COBLL1: variants seen among roughly 807,000 people sequenced by gnomAD.
COBLL1 encodes the protein cordon-bleu WH2 repeat protein like 1.
A neutral mutation model predicts 94.8 loss-of-function variants in COBLL1; 50 were observed. The observed-to-expected ratio is 0.53, with a 90% confidence interval of 0.42 to 0.67. The LOEUF is 0.67. Among genes scored for constraint, COBLL1 ranks in the 30% least tolerant of loss-of-function variants. COBLL1 has a pLI of 0.00. For synonymous variants in COBLL1, 448 were observed against 473.8 expected (o/e 0.95, Z 0.71); for missense variants, 1,362 against 1,348.7 (o/e 1.01, Z -0.15).
At chr2:164,736,450 T>C (rs887277427) in intron 3 of COBLL1, among the ~76,000 whole-genome samples, 56 of 152,292 alleles carry the variant, frequency 3.7e-4, no homozygotes, top group African/African-American at 1.3e-3. Flanking sequence ...TAAATAGTAA[T>C]AGGTCAGATT....
chr2:164,741,766 T>TA (rs1203752095), intron 3 of COBLL1, among the ~76,000 whole-genome samples: 7 of 152,154 alleles, frequency 4.6e-5, no homozygotes, highest in African/African-American at 1.7e-4. Flanking sequence ...AGGGTGCTTG[T>TA]AAGTACAAAT....
chr2:164,708,106 A>T (rs549529592), intron 7 of COBLL1, among the ~76,000 whole-genome samples: 1 of 152,220 alleles, frequency 6.6e-6, no homozygotes, highest in South Asian at 2.1e-4. Context: ...TGTGCCTCAT[A>T]ACAGGGGGGT....
At chr2:164,806,040 C>T (rs974745) in intron 2 of COBLL1, among the ~76,000 whole-genome samples, 53,727 of 151,856 alleles carry the variant, frequency 0.35, 9,703 homozygotes, top group Admixed American at 0.41. Context: ...TACATATTTT[C>T]TATATCCAGA....
At position 164,778,912 on chromosome 2, in the gene COBLL1, AC is replaced by A. The variant is rs538395363; in HGVS notation, c.42-35038del. On this transcript the variant is annotated intron_variant, in intron 2 of 13. Coordinates refer to ENST00000652658, the MANE Select transcript of COBLL1 (RefSeq NM_001365672.2). Reference sequence around the variant, plus strand: ...AGGTTAACAAAAGGGGAGGGGGAAGACCAGGAGAAATCCCAGTGTATGACTA... The same window carrying A: ...AGGTTAACAAAAGGGGAGGGGGAAGACAGGAGAAATCCCAGTGTATGACTA... Among the ~76,000 whole-genome samples, 21 of 152,264 alleles carry A rather than the reference AC, an allele frequency of 1.4e-4. No homozygotes were observed. In the East Asian group the frequency reaches 3.5e-3, roughly 25 times the overall value.
intron 2 of COBLL1, among the ~76,000 whole-genome samples, chr2:164,798,174 T>A (rs1388480181): frequency 2.0e-5 from 3 of 152,216 alleles, no homozygotes; most frequent in African/African-American, 7.2e-5. Flanking sequence ...CAGTGAATTT[T>A]AAAAAAATCT....
At chr2:164,788,891 G>C (rs929256805) in intron 2 of COBLL1, among the ~76,000 whole-genome samples, 1 of 151,254 alleles carries the variant, frequency 6.6e-6, no homozygotes, top group African/African-American at 2.4e-5. Context: ...GATGTACAGA[G>C]TAGTAGAAAA....
At position 164,694,315 on chromosome 2, in the gene COBLL1, G is replaced by T. The variant is rs936989379; in HGVS notation, c.3077C>A (p.Ser1026Tyr). ...PANTEEGKTH[S>Y]VNKFVDIPQL... Reference sequence around the variant, plus strand: ...TGGGATGTCCACAAATTTATTTACAGAATGAGTCTTCCCTTCCTCTGTGTT... The same window carrying T: ...TGGGATGTCCACAAATTTATTTACATAATGAGTCTTCCCTTCCTCTGTGTT... The change falls in exon 12 of 14, where the codon TCT becomes TAT. Residue 1026 changes from serine to tyrosine, a missense_variant. Coordinates refer to ENST00000652658, the MANE Select transcript of COBLL1 (RefSeq NM_001365672.2). 2.5e-6 allele frequency: 4 copies of T among 1,613,770 alleles called. No homozygotes were observed. The highest frequency in any genetic ancestry group is 8.5e-7 in the Non-Finnish European group (1 of 1,179,854).
chr2:164,787,203 T>C (rs2105288499), intron 2 of COBLL1, among the ~76,000 whole-genome samples: 1 of 152,288 alleles, frequency 6.6e-6, no homozygotes, highest in East Asian at 1.9e-4. Flanking sequence ...TGATAAACCA[T>C]TCAACATCCT....
intron 2 of COBLL1, among the ~76,000 whole-genome samples, chr2:164,806,474 T>C (rs922678521): frequency 5.9e-5 from 9 of 152,166 alleles, no homozygotes; most frequent in African/African-American, 2.2e-4. Context: ...CATTGTAAAA[T>C]ATTAGTAGAA....
chr2:164,756,097 G>C (rs1687392332), intron 2 of COBLL1, among the ~76,000 whole-genome samples: 1 of 151,940 alleles, frequency 6.6e-6, no homozygotes, highest in Admixed American at 6.6e-5. Context: ...GAGGGAGAGA[G>C]AGAGAGAGAG....
At chr2:164,762,714 T>TTTTG (rs1687742640) in intron 2 of COBLL1, among the ~76,000 whole-genome samples, 1 of 150,572 alleles carries the variant, frequency 6.6e-6, no homozygotes. Context: ...TTTTTTTTTT[T>TTTTG]GAGACGCAGT....
At chr2:164,666,719 T>C (rs1226384153) in intron 1 of COBLL1, among the ~76,000 whole-genome samples, 1 of 152,234 alleles carries the variant, frequency 6.6e-6, no homozygotes, top group Admixed American at 6.5e-5. Flanking sequence ...AAAAGAACAC[T>C]TTCTTTGCTC....
At chr2:164,698,074 C>T (rs1344085723) in intron 11 of COBLL1, 1 of 152,062 alleles carries the variant, frequency 6.6e-6, no homozygotes, top group Non-Finnish European at 1.5e-5. Flanking sequence ...AAACCATATG[C>T]AAATCAAAGT....
chr2:164,717,847 G>A (rs1574464630), intron 7 of COBLL1, among the ~76,000 whole-genome samples: 2 of 152,176 alleles, frequency 1.3e-5, no homozygotes, highest in Admixed American at 6.6e-5. Flanking sequence ...TTATAGGCAT[G>A]AGCCATCAAG....
intron 2 of COBLL1, among the ~76,000 whole-genome samples, chr2:164,663,874 T>G (rs576609157): frequency 1.3e-5 from 2 of 152,190 alleles, no homozygotes; most frequent in Non-Finnish European, 2.9e-5. Context: ...ACAAGATAAA[T>G]GGAAGCCCAA....
rs1305628211 is a variant in COBLL1 at position 164,680,957 on chromosome 2, C to T, written c.*4989G>A. 6.6e-6 allele frequency: 1 copy of T among 151,870 alleles called. No individual in the cohort carries two copies. Among genetic ancestry groups the T allele is most frequent in the East Asian group, 1.9e-4 (1 of 5,168 alleles). 9.4% of individuals were successfully genotyped at this position (151,870 alleles called of 1,614,324 possible). On this transcript the variant is annotated 3_prime_UTR_variant, in exon 14 of 14. Coordinates refer to ENST00000652658, the MANE Select transcript of COBLL1 (RefSeq NM_001365672.2). ...AGGGAGAGAATATACTTTTGCACTA[C>T]GACTAAGAAAAAAAATATTTAGAAT...
chr2:164,791,135 A>G (rs964508626), intron 2 of COBLL1, among the ~76,000 whole-genome samples: 3 of 152,174 alleles, frequency 2.0e-5, no homozygotes, highest in Non-Finnish European at 4.4e-5. Context: ...TGCCAGAGAT[A>G]TAATAGACTC....
intron 2 of COBLL1, among the ~76,000 whole-genome samples, chr2:164,752,390 C>T (rs906953622): frequency 2.0e-5 from 3 of 151,422 alleles, no homozygotes; most frequent in Non-Finnish European, 4.4e-5. Flanking sequence ...CACATTACAT[C>T]ATTTCTTTGA....
At chr2:164,697,219 A>C in intron 11 of COBLL1, 1 of 152,156 alleles carries the variant, frequency 6.6e-6, no homozygotes, top group East Asian at 1.9e-4. Flanking sequence ...AGATTCCTAT[A>C]TTAAACATGT....
Sources: allele counts gnomAD v4.1 joint callset (sites outside exome capture counted in the v4.1 genomes callset), GRCh38; gene constraint gnomAD v4.1.1; transcripts MANE v1.5; gene names NCBI Gene and HGNC (gene_info 2026-07-23, HGNC 2026-07-21).